The following FSD1L variants were observed in gnomAD, a reference collection of about 807,000 sequenced individuals.
FSD1L encodes fibronectin type III and SPRY domain containing 1 like.
In FSD1L, 45 loss-of-function variants were observed where a neutral mutation model predicts 71.6. The observed-to-expected ratio is 0.63, with a 90% CI of 0.49 to 0.81. The LOEUF (loss-of-function observed/expected upper bound fraction) is 0.81. Among genes scored for constraint, FSD1L ranks in the 30% least tolerant of loss-of-function variants. FSD1L has a pLI of 0.00. For synonymous variants in FSD1L, 197 were observed against 207.2 expected (o/e 0.95, Z 0.42); for missense variants, 561 against 618.1 (o/e 0.91, Z 0.98).
At chr9:105,545,994 TG>T (rs970016115) in intron 13 of FSD1L, among the ~76,000 whole-genome samples, 13 of 152,134 alleles carry the variant, frequency 8.5e-5, no homozygotes, top group African/African-American at 3.1e-4. Flanking sequence ...AAAGCATAAG[TG>T]GGAAGTAAGT....
chr9:105,520,935 A>G (rs565822272), intron 10 of FSD1L: 1 of 1,611,942 alleles, frequency 6.2e-7, no homozygotes, highest in African/African-American at 1.3e-5. Context: ...TTTAGAATGG[A>G]AGAACAAAGA....
At chr9:105,449,505 G>A (rs1829855002) in intron 1 of FSD1L, among the ~76,000 whole-genome samples, 1 of 152,178 alleles carries the variant, frequency 6.6e-6, no homozygotes, top group Non-Finnish European at 1.5e-5. Flanking sequence ...AGCAAAGTCC[G>A]GAGACATGGG....
chr9:105,529,389 A>G (rs1355392146), intron 10 of FSD1L, among the ~76,000 whole-genome samples: 1 of 152,214 alleles, frequency 6.6e-6, no homozygotes, highest in Non-Finnish European at 1.5e-5. Flanking sequence ...TCCATCAATG[A>G]TAGACTGGAT....
chr9:105,460,612 A>G (rs1005751407), intron 1 of FSD1L, among the ~76,000 whole-genome samples: 8 of 148,398 alleles, frequency 5.4e-5, no homozygotes, highest in Non-Finnish European at 1.0e-4. Context: ...AAAAAAAAAG[A>G]TTGACTGTAA....
rs192197143 is a variant in FSD1L, at chr9:105,546,560, G to A, written c.*77G>A. The A allele has an allele frequency of 1.1e-4, 158 of 1,393,654 alleles. 1 individual carries two copies. In the East Asian group the frequency reaches 1.9e-3, roughly 16 times the overall value. The allele number at this position is 1,393,654 out of a possible 1,614,324, so 86.3% of individuals were successfully genotyped here. ...TGCAGTTACTAATCACAGGAATTTG[G>A]TAGTAGTGAAAATCAGGTTTGCTGT... On this transcript the variant is annotated 3_prime_UTR_variant, in exon 14 of 14. Coordinates refer to ENST00000481272, the MANE Select transcript of FSD1L (RefSeq NM_001145313.3).
chr9:105,521,262 CAG>C (rs1835134497), intron 10 of FSD1L: 1 of 1,614,056 alleles, frequency 6.2e-7, no homozygotes, highest in Admixed American at 1.7e-5. Context: ...AAAGAATATT[CAG>C]AGAGCAGCTG....
chr9:105,488,531 A>C (rs762236074), intron 7 of FSD1L, among the ~76,000 whole-genome samples: 6 of 152,170 alleles, frequency 3.9e-5, no homozygotes, highest in Non-Finnish European at 5.9e-5. Context: ...ACTCCTTTGG[A>C]TAAATGCCGA....
chr9:105,491,894 G>C (rs905089593), intron 7 of FSD1L, among the ~76,000 whole-genome samples: 7 of 152,058 alleles, frequency 4.6e-5, no homozygotes, highest in African/African-American at 1.7e-4. Context: ...TGCTGGATTC[G>C]GTTTGCCATT....
intron 7 of FSD1L, among the ~76,000 whole-genome samples, chr9:105,489,689 T>C (rs2131736282): frequency 6.6e-6 from 1 of 152,256 alleles, no homozygotes; most frequent in African/African-American, 2.4e-5. Flanking sequence ...CAGAGTGTGA[T>C]GTTCCCCTTC....
chr9:105,474,048 C>T (rs1316601818), intron 5 of FSD1L, among the ~76,000 whole-genome samples: 2 of 152,270 alleles, frequency 1.3e-5, no homozygotes, highest in Admixed American at 6.5e-5. Flanking sequence ...AACCATGTGT[C>T]GCTTAACGAG....
intron 5 of FSD1L, 87 bp from the exon 6 acceptor site, chr9:105,479,267 C>A: frequency 8.2e-7 from 1 of 1,217,844 alleles, no homozygotes; most frequent in Non-Finnish European, 1.2e-6. Flanking sequence ...GGTTTATATC[C>A]TAACTTTTCT....
At chr9:105,507,212 T>A (rs939800447) in intron 8 of FSD1L, among the ~76,000 whole-genome samples, 1 of 152,250 alleles carries the variant, frequency 6.6e-6, no homozygotes, top group Non-Finnish European at 1.5e-5. Flanking sequence ...ATTACCTTCA[T>A]GTTAATAATT....
intron 1 of FSD1L, among the ~76,000 whole-genome samples, chr9:105,449,681 T>G (rs1829867492): frequency 6.6e-6 from 1 of 152,206 alleles, no homozygotes; most frequent in South Asian, 2.1e-4. Context: ...GTTTACAAAG[T>G]ATGACCACTA....
At chr9:105,472,125 T>C (rs1831518421) in intron 5 of FSD1L, 120 bp downstream of exon 5, 2 of 1,196,806 alleles carry the variant, frequency 1.7e-6, no homozygotes, top group Admixed American at 8.3e-5. Flanking sequence ...AGCCTTGGGG[T>C]TTCTTGATAA....
In FSD1L at chr9:105,468,316, G is replaced by A; in HGVS notation, c.331G>A (p.Glu111Lys). The A allele has an allele frequency of 6.7e-7, 1 of 1,489,124 alleles. No individual in the cohort carries two copies. The highest frequency in any genetic ancestry group is 8.9e-7 in the Non-Finnish European group (1 of 1,125,958). 92.2% of individuals were successfully genotyped at this position (1,489,124 alleles called of 1,614,324 possible). A position where few individuals can be genotyped will look rare whatever the true frequency, so the allele number is the denominator to read the frequency against. ...IKQEQARKSQ[E>K]LQSQISQCNN... ...GCAGGAACAAGCTCGTAAATCCCAA[G>A]AGTTACAGGTGAGATCATACAGCTA... The change falls in exon 4 of 14, where the codon GAG becomes AAG. Residue 111 changes from glutamate to lysine, a missense_variant. Physicochemically the swap from Glu to Lys is moderately conservative, Grantham distance 56. Coordinates refer to ENST00000481272, the MANE Select transcript of FSD1L (RefSeq NM_001145313.3).
intron 10 of FSD1L, among the ~76,000 whole-genome samples, chr9:105,528,043 C>A (rs1021708784): frequency 5.3e-5 from 8 of 152,134 alleles, no homozygotes; most frequent in African/African-American, 1.4e-4. Context: ...CTCTTATTCA[C>A]AATTGCTACA....
upstream of FSD1L, among the ~76,000 whole-genome samples, chr9:105,443,724 G>T (rs1230812476): frequency 6.6e-6 from 1 of 152,096 alleles, no homozygotes; most frequent in African/African-American, 2.4e-5. Context: ...TTGAGGCCAG[G>T]AGTTCAAGAC....
At chr9:105,488,539 C>A (rs770564509) in intron 7 of FSD1L, among the ~76,000 whole-genome samples, 1 of 152,002 alleles carries the variant, frequency 6.6e-6, no homozygotes, top group Non-Finnish European at 1.5e-5. Flanking sequence ...GGATAAATGC[C>A]GATTACTGAA....
chr9:105,524,916 C>A, intron 10 of FSD1L: 1 of 1,612,514 alleles, frequency 6.2e-7, no homozygotes, highest in Non-Finnish European at 8.5e-7. Flanking sequence ...CTTTGAGAGT[C>A]CAAATATCCA....
Sources: allele counts gnomAD v4.1 joint callset (sites outside exome capture counted in the v4.1 genomes callset), GRCh38; gene constraint gnomAD v4.1.1; transcripts MANE v1.5; gene names NCBI Gene and HGNC (gene_info 2026-07-23, HGNC 2026-07-21).